Variants in CTBP2 observed in about 807,000 individuals in gnomAD.
CTBP2 encodes the protein C-terminal-binding protein 2.
A neutral mutation model predicts 80.3 loss-of-function variants in CTBP2; 30 were observed. The observed-to-expected ratio is 0.37, with a 90% CI of 0.28 to 0.51. The LOEUF is 0.51. Ranked by LOEUF, CTBP2 falls within the 20% of genes least tolerant of loss-of-function variation. The pLI is 0.93. For synonymous variants in CTBP2, 594 were observed against 587.4 expected, an observed-to-expected ratio of 1.01 and a Z score of -0.16; for missense variants, 1,212 against 1,375.3, an observed-to-expected ratio of 0.88 and a Z score of 1.88.
chr10:125,123,648 C>T (rs17152657), intron 1 of CTBP2, among the ~76,000 whole-genome samples: 4,067 of 152,288 alleles, frequency 0.027, 86 homozygotes, highest in Non-Finnish European at 0.044. Flanking sequence ...ACACTGCTTA[C>T]GCACTCAACT....
chr10:125,031,488 CAA>C (rs11463934), upstream of CTBP2, among the ~76,000 whole-genome samples: 7 of 33,690 alleles, frequency 2.1e-4, no homozygotes, highest in Non-Finnish European at 2.9e-4. Context: ...GACTCCATTT[CAA>C]AAAAAAAAAA....
At chr10:125,149,447 G>A (rs1247517457) in intron 1 of CTBP2, among the ~76,000 whole-genome samples, 1 of 152,184 alleles carries the variant, frequency 6.6e-6, no homozygotes, top group Non-Finnish European at 1.5e-5. Flanking sequence ...CAAGCTGGAG[G>A]TGAGCCAGGA....
At position 125,003,333 on chromosome 10, in the gene CTBP2, C is replaced by T; in HGVS notation, c.1833+5G>A. The T allele has an allele frequency of 6.2e-7, 1 of 1,607,466 alleles. No homozygotes were observed. Among genetic ancestry groups the T allele is most frequent in the Non-Finnish European group, 8.5e-7 (1 of 1,178,764 alleles). ...GCAGGCCCCGGCCGGGCAGGGTGGG[C>T]CCACCTTCTCGTGGATTTCCTGCGT... is the stretch of plus-strand genomic sequence containing the variant. On this transcript the variant is annotated splice_donor_5th_base_variant and intron_variant, in intron 2 of 8. Transcript: ENST00000309035.
chr10:125,026,209 T>G lies in CTBP2; in HGVS notation c.1551A>C (p.Ala517=), dbSNP rs746035041. ...GCGGCAGGGTGGATGGCCCCAGGGG[T>G]GCACCTGGCTTCCGCAAGACCTGGG... The change falls in exon 1 of 9, where the codon GCA becomes GCC. Residue 517 remains alanine (A), a synonymous_variant. Coordinates refer to ENST00000309035, the MANE Select transcript of CTBP2 (RefSeq NM_022802.3). 6.2e-7 allele frequency: 1 copy of G among 1,613,110 alleles called. No individual in the cohort carries two copies. Among genetic ancestry groups the G allele is most frequent in the African/African-American group, 1.3e-5 (1 of 74,944 alleles).
intron 8 of CTBP2, among the ~76,000 whole-genome samples, chr10:124,990,491 A>G (rs1053953992): frequency 2.6e-5 from 4 of 152,234 alleles, no homozygotes; most frequent in African/African-American, 4.8e-5. Flanking sequence ...TAGCTTTTAG[A>G]TAAGAAGATA....
chr10:125,019,953 CAG>C (rs1264710011), intron 1 of CTBP2, among the ~76,000 whole-genome samples: 1 of 152,142 alleles, frequency 6.6e-6, no homozygotes, highest in African/African-American at 2.4e-5. Flanking sequence ...CTGAGGTTGA[CAG>C]AGCTGAAATG....
At chr10:125,135,639 C>T (rs1419419682) in intron 1 of CTBP2, among the ~76,000 whole-genome samples, 5 of 152,222 alleles carry the variant, frequency 3.3e-5, no homozygotes, top group African/African-American at 4.8e-5. Flanking sequence ...TCCATCCCCA[C>T]GCACACAGGC....
At chr10:125,055,077 C>G (rs1314807487) in intron 2 of CTBP2, among the ~76,000 whole-genome samples, 1 of 152,180 alleles carries the variant, frequency 6.6e-6, no homozygotes, top group East Asian at 1.9e-4. Flanking sequence ...TCTATCAGAG[C>G]CTGGGCCCCA....
chr10:125,020,528 C>T (rs1010116487), intron 1 of CTBP2, among the ~76,000 whole-genome samples: 5 of 152,182 alleles, frequency 3.3e-5, no homozygotes, highest in Admixed American at 6.5e-5. Flanking sequence ...GTGACTGGAA[C>T]GCGGGCAGAG....
At chr10:125,094,317 T>C (rs983346604) in intron 2 of CTBP2, among the ~76,000 whole-genome samples, 12 of 152,280 alleles carry the variant, frequency 7.9e-5, no homozygotes, top group African/African-American at 2.6e-4. Flanking sequence ...TGCACTGTCA[T>C]GAACACCCAT....
chr10:125,119,078 C>T (rs1400659506), intron 1 of CTBP2, among the ~76,000 whole-genome samples: 2 of 152,210 alleles, frequency 1.3e-5, no homozygotes, highest in East Asian at 3.8e-4. Flanking sequence ...GTTTTCTGAG[C>T]TCCTTTCCAC....
At position 125,026,195 on chromosome 10, in the gene CTBP2, G is replaced by C. The variant is rs1393781549; in HGVS notation, c.1565C>G (p.Ser522Cys). ...GCTCTGGCTGGCCGGCGGCAGGGTG[G>C]ATGGCCCCAGGGGTGCACCTGGCTT... The change falls in exon 1 of 9, where the codon TCC (serine) becomes TGC (cysteine). Residue 522 changes from serine to cysteine, a missense_variant. By Grantham distance (112) the Ser-to-Cys change is moderately radical. Around this residue, in one of 3 missense-constraint regions of CTBP2, gnomAD observed 848 missense variants for 782.3 expected, o/e 1.08. Coordinates refer to ENST00000309035, the MANE Select transcript of CTBP2 (RefSeq NM_022802.3). 1.2e-6 allele frequency: 2 copies of C among 1,612,606 alleles called. No individual in the cohort carries two copies. Among genetic ancestry groups the C allele is most frequent in the Non-Finnish European group, 1.7e-6 (2 of 1,179,162 alleles).
At chr10:125,100,642 CAGGA>C (rs1850471173) in intron 2 of CTBP2, 1 of 152,138 alleles carries the variant, frequency 6.6e-6, no homozygotes, top group Non-Finnish European at 1.5e-5. Context: ...GATCCTTTTA[CAGGA>C]AGGAAGGGCT....
intron 1 of CTBP2, among the ~76,000 whole-genome samples, chr10:125,120,943 C>T (rs1854224594): frequency 6.6e-6 from 1 of 152,086 alleles, no homozygotes; most frequent in Non-Finnish European, 1.5e-5. Flanking sequence ...TTGACCCTGA[C>T]TCTCTCACAT....
At chr10:125,153,451 T>A (rs1860363090) in intron 1 of CTBP2, among the ~76,000 whole-genome samples, 2 of 152,160 alleles carry the variant, frequency 1.3e-5, no homozygotes, top group Non-Finnish European at 2.9e-5. Flanking sequence ...AGACCATCCA[T>A]CAGCAAAATA....
At chr10:125,131,763 G>A (rs933666292) in intron 1 of CTBP2, among the ~76,000 whole-genome samples, 3 of 152,174 alleles carry the variant, frequency 2.0e-5, no homozygotes, top group Non-Finnish European at 4.4e-5. Flanking sequence ...TCCTCCCCTA[G>A]CACCTAGGCA....
At chr10:125,159,964 T>C (rs1388480250) in intron 1 of CTBP2, 1 of 149,786 alleles carries the variant, frequency 6.7e-6, no homozygotes, top group South Asian at 1.8e-4. Flanking sequence ...GTTTCTTTTT[T>C]TTTTTTTTTC....
At chr10:125,158,767 T>C (rs1336299332) in intron 1 of CTBP2, 2 of 149,060 alleles carry the variant, frequency 1.3e-5, no homozygotes, top group African/African-American at 5.0e-5. Flanking sequence ...TGGGGTCCTC[T>C]GCAGCCAACT....
chr10:125,028,962 T>A (rs1008755614), upstream of CTBP2, among the ~76,000 whole-genome samples: 1 of 152,172 alleles, frequency 6.6e-6, no homozygotes, highest in South Asian at 2.1e-4. Flanking sequence ...CTTAAACATA[T>A]GGAACAGTAC....
Sources: allele counts gnomAD v4.1 joint callset (sites outside exome capture counted in the v4.1 genomes callset), GRCh38; gene constraint gnomAD v4.1.1; regional missense constraint gnomAD v4.1.1; transcripts MANE v1.5; gene names NCBI Gene and HGNC (gene_info 2026-07-23, HGNC 2026-07-21).